Variants in NPDC1 observed in about 807,000 individuals in gnomAD.
NPDC1 encodes neural proliferation differentiation and control protein 1.
NPDC1 carries 18 observed loss-of-function variants against 32.5 expected under a neutral mutation model. That is an observed-to-expected ratio of 0.55 (90% CI 0.38 to 0.82). NPDC1 has a LOEUF of 0.82. NPDC1 is among the 40% of genes least tolerant of loss of function. The pLI, the probability that NPDC1 is intolerant of heterozygous loss-of-function variation, is 0.00. For missense variants in NPDC1, 468 were observed against 406.6 expected, an observed-to-expected ratio of 1.15 and a Z score of -1.30; for synonymous variants, 210 against 184.7, an observed-to-expected ratio of 1.14 and a Z score of -1.11.
intron 2 of NPDC1, among the ~76,000 whole-genome samples, chr9:137,042,413 C>T (rs888890022): frequency 2.6e-5 from 4 of 152,032 alleles, no homozygotes; most frequent in Non-Finnish European, 5.9e-5. Context: ...GCCGCCACGC[C>T]CGGCTAATTT....
chr9:137,043,112 C>T (rs764637718), intron 1 of NPDC1, 39 bp from the exon 2 acceptor site: 14 of 1,603,232 alleles, frequency 8.7e-6, no homozygotes, highest in African/African-American at 4.0e-5. Context: ...CTCACGGCCC[C>T]GCAGGGCTCG....
intron 2 of NPDC1, 35 bp from the exon 3 acceptor site, chr9:137,041,222 C>T: frequency 7.1e-7 from 1 of 1,413,748 alleles, no homozygotes; most frequent in South Asian, 1.7e-5. Context: ...GTGGAGGGGT[C>T]CGTCCAGGAG....
intron 2 of NPDC1, 55 bp downstream of exon 2, chr9:137,042,872 G>A: frequency 1.9e-6 from 3 of 1,540,876 alleles, no homozygotes; most frequent in Non-Finnish European, 2.6e-6. Flanking sequence ...GCTTCTTACA[G>A]GGAGAGGTTC....
In NPDC1 at chr9:137,040,798, C is replaced by A; in HGVS notation, c.556+16G>T. 1 of 1,587,716 alleles carries A rather than the reference C, an allele frequency of 6.3e-7. No individual in the cohort carries two copies. On this transcript the variant is annotated intron_variant, in intron 4 of 8. Transcript: ENST00000371601. The stretch of plus-strand genomic sequence containing the variant: ...GGGCGCCCTGCTGCCCCTGCCCACC[C>A]CCGACCAAGACCTACCAAGGGCGAG...
Position 137,040,800 on chromosome 9 carries a change from C to G in NPDC1, c.556+14G>C, listed in dbSNP as rs200692826. On this transcript the variant is annotated intron_variant, in intron 4 of 8. Transcript: ENST00000371601. Reference sequence around the variant, plus strand: ...GCGCCCTGCTGCCCCTGCCCACCCCCGACCAAGACCTACCAAGGGCGAGGC... The same window carrying G: ...GCGCCCTGCTGCCCCTGCCCACCCCGGACCAAGACCTACCAAGGGCGAGGC... The G allele has an allele frequency of 6.3e-7, 1 of 1,588,426 alleles. No individual in the cohort carries two copies. The highest frequency in any genetic ancestry group is 1.3e-5 in the African/African-American group (1 of 74,864).
chr9:137,046,042 G>GCGGGCTC lies in NPDC1; in HGVS notation c.-60_-54dup. The GCGGGCTC allele has an allele frequency of 8.6e-7, 1 of 1,166,012 alleles. No homozygotes were observed. Among genetic ancestry groups the GCGGGCTC allele is most frequent in the East Asian group, 3.8e-5 (1 of 26,340 alleles). The allele number at this position is 1,166,012 out of a possible 1,614,324, so 72.2% of individuals were successfully genotyped here. A position where few individuals can be genotyped will look rare whatever the true frequency, so the allele number is the denominator to read the frequency against. ...GGCACCGCGAGGCCAGGGGCTCGGC[G>GCGGGCTC]CGGGCTCCGGGCTCCGCGTCGGGAG... On this transcript the variant is annotated 5_prime_UTR_variant, in exon 1 of 9. Transcript: ENST00000371601.
At chr9:137,042,708 T>A (rs1335857292) in intron 2 of NPDC1, among the ~76,000 whole-genome samples, 6 of 151,970 alleles carry the variant, frequency 3.9e-5, no homozygotes, top group Non-Finnish European at 7.4e-5. Flanking sequence ...TACAGGTGTG[T>A]GCCACCACAC....
chr9:137,040,282 G>A (rs1832025933), intron 7 of NPDC1, 75 bp downstream of exon 7: 5 of 1,389,538 alleles, frequency 3.6e-6, no homozygotes, highest in East Asian at 2.5e-5. Flanking sequence ...GTTGGCCAGG[G>A]GAGGTGGAAA....
At chr9:137,041,741 G>A (rs371927872) in intron 2 of NPDC1, among the ~76,000 whole-genome samples, 25 of 152,216 alleles carry the variant, frequency 1.6e-4, no homozygotes, top group Middle Eastern at 3.4e-3. Flanking sequence ...GCCACTTCTC[G>A]GTGCTCCTCT....
At chr9:137,045,564 G>A (rs1252957186) in intron 1 of NPDC1, among the ~76,000 whole-genome samples, 1 of 152,236 alleles carries the variant, frequency 6.6e-6, no homozygotes, top group African/African-American at 2.4e-5. Flanking sequence ...GGCCCGCCCA[G>A]AGCCAGATGG....
intron 2 of NPDC1, 115 bp downstream of exon 2, chr9:137,042,812 C>T: frequency 7.8e-7 from 1 of 1,284,750 alleles, no homozygotes; most frequent in South Asian, 1.5e-5. Context: ...ACAGCCTGGG[C>T]CTCCCACAGT....
intron 2 of NPDC1, among the ~76,000 whole-genome samples, chr9:137,042,374 T>C (rs868230348): frequency 1.4e-5 from 2 of 146,024 alleles, no homozygotes; most frequent in South Asian, 2.2e-4. Context: ...CTGCCTTAGC[T>C]TCCCGAGTAG....
At position 137,043,228 on chromosome 9, in the gene NPDC1, G is replaced by A. The variant is rs538751341; in HGVS notation, c.113-155C>T. On this transcript the variant is annotated intron_variant, in intron 1 of 8. Coordinates refer to ENST00000371601, the MANE Select transcript of NPDC1 (RefSeq NM_015392.4). Reference sequence around the variant, plus strand: ...TCTGGACATGCCCTTCCTCCCTGACGCCAGGGCTCAGAACCCGGAAGCGAA... The same window carrying A: ...TCTGGACATGCCCTTCCTCCCTGACACCAGGGCTCAGAACCCGGAAGCGAA... 1,001 of 866,716 alleles carry A rather than the reference G, an allele frequency of 1.2e-3. 1 individual carries two copies. Among genetic ancestry groups the A allele is most frequent in the Non-Finnish European group, 1.5e-3 (797 of 523,228 alleles). 53.7% of individuals were successfully genotyped at this position (866,716 alleles called of 1,614,324 possible).
rs555479216 is a variant in NPDC1, at chr9:137,040,035, G to A, written c.821C>T (p.Ala274Val). The change falls in exon 8 of 9, where the codon GCC becomes GTC. Residue 274 changes from alanine (A) to valine (V), a missense_variant. Transcript: ENST00000371601. The part of the protein sequence containing the change: ...HKEPPKELDT[A>V]SSDEENEDGD... ...GTCCTCATTCTCCTCATCCGAGGAGGCCGTGTCCAGCTCCTTGGGTGGCTC... is the reference window on the plus strand; with the variant it reads ...GTCCTCATTCTCCTCATCCGAGGAGACCGTGTCCAGCTCCTTGGGTGGCTC... The A allele has an allele frequency of 1.3e-6, 1 of 778,838 alleles. No homozygotes were observed. The highest frequency in any genetic ancestry group is 2.4e-5 in the East Asian group (1 of 41,202). 48.2% of individuals were successfully genotyped at this position (778,838 alleles called of 1,614,324 possible). A position where few individuals can be genotyped will look rare whatever the true frequency, so the allele number is the denominator to read the frequency against.
chr9:137,043,568 C>T, intron 1 of NPDC1: 1 of 583,854 alleles, frequency 1.7e-6, no homozygotes. Flanking sequence ...AAGTGTGCAG[C>T]CTGGAAGGGA....
intron 1 of NPDC1, 97 bp downstream of exon 1, chr9:137,045,781 G>C: frequency 2.5e-6 from 2 of 796,974 alleles, no homozygotes; most frequent in Non-Finnish European, 3.0e-6. Flanking sequence ...CTGCGGGCCT[G>C]GGCAGGACGA....
rs1370389203 is a variant in NPDC1 at position 137,045,964 on chromosome 9, G to A, written c.26C>T (p.Ser9Phe). The A allele has an allele frequency of 7.5e-6, 9 of 1,192,482 alleles. No individual in the cohort carries two copies. In the East Asian group the frequency reaches 2.8e-4, roughly 38 times the overall value. The allele number at this position is 1,192,482 out of a possible 1,614,324, so 73.9% of individuals were successfully genotyped here. The change falls in exon 1 of 9, where the codon TCC becomes TTC. Residue 9 changes from serine to phenylalanine, a missense_variant. Transcript: ENST00000371601. Reference sequence around the variant, plus strand: ...CCGCAGCAGCCGCAGGTGCCGCGGGGAGGGCGGAGGCAGCGGCGTCGCCAT... The same window carrying A: ...CCGCAGCAGCCGCAGGTGCCGCGGGAAGGGCGGAGGCAGCGGCGTCGCCAT... MATPLPPP[S>F]PRHLRLLRLL...
At chr9:137,042,443 C>G (rs1205542955) in intron 2 of NPDC1, among the ~76,000 whole-genome samples, 2 of 151,602 alleles carry the variant, frequency 1.3e-5, no homozygotes, top group Non-Finnish European at 2.9e-5. Context: ...ATTTTTAGTA[C>G]AGATGGGGTT....
At chr9:137,041,294 TAC>T in intron 2 of NPDC1, 107 bp from the exon 3 acceptor site, 2 of 1,211,086 alleles carry the variant, frequency 1.7e-6, no homozygotes, top group Non-Finnish European at 2.1e-6. Flanking sequence ...GAGGACTGGG[TAC>T]ACGCCTGGAG....
Sources: gnomAD v4.1 joint callset for allele counts (sites outside exome capture counted in the v4.1 genomes callset) on GRCh38, gnomAD v4.1.1 for gene constraint, MANE v1.5 for transcripts, NCBI Gene and HGNC (gene_info 2026-07-23, HGNC 2026-07-21) for gene names.